PDE4B: variants seen among roughly 807,000 people sequenced by gnomAD.
The protein encoded by PDE4B is phosphodiesterase 4B.
A neutral mutation model predicts 82.2 loss-of-function variants in PDE4B; 20 were observed. That is an observed-to-expected ratio of 0.24 (90% confidence interval 0.17 to 0.35). PDE4B has a LOEUF of 0.35. Among genes scored for constraint, PDE4B ranks in the 10% least tolerant of loss-of-function variants. PDE4B has a pLI of 1.00. For missense variants in PDE4B, 655 were observed against 907.2 expected (o/e 0.72, Z 3.57); for synonymous variants, 320 against 318.9 (o/e 1.00, Z -0.04).
rs371638793 is a variant in PDE4B at position 66,090,351 on chromosome 1, A to G, written c.282-157109A>G. ...GCTTAGATTCTAAATAGGTTTAGAT[A>G]GATTTATAAATACATCAATAATGTA... On this transcript the variant is annotated intron_variant, in intron 3 of 16. Coordinates refer to ENST00000341517, the MANE Select transcript of PDE4B (RefSeq NM_002600.4). Among the ~76,000 whole-genome samples, 10 of 151,994 alleles carry G rather than the reference A, an allele frequency of 6.6e-5. No individual in the cohort carries two copies. The East Asian group carries it at 1.7e-3, about 26-fold the overall frequency.
chr1:66,192,915 C>T (rs1300086155), intron 3 of PDE4B, among the ~76,000 whole-genome samples: 1 of 152,046 alleles, frequency 6.6e-6, no homozygotes, highest in Non-Finnish European at 1.5e-5. Context: ...GATGAAGAAA[C>T]AAAAAGTTTA....
At position 66,172,197 on chromosome 1, in the gene PDE4B, A is replaced by T. The variant is rs551017184; in HGVS notation, c.282-75263A>T. 1.7e-4 allele frequency among the ~76,000 whole-genome samples: 26 copies of T among 152,178 alleles called. No homozygotes were observed. The South Asian group carries it at 5.4e-3, about 32-fold the overall frequency. ...GCTCCCACTTATAAGTGAGAACATGAGGTATTTGCTTTTCTGTTCCTGCAT... is the reference window on the plus strand; with the variant it reads ...GCTCCCACTTATAAGTGAGAACATGTGGTATTTGCTTTTCTGTTCCTGCAT... On this transcript the variant is annotated intron_variant, in intron 3 of 16. Coordinates refer to ENST00000341517, the MANE Select transcript of PDE4B (RefSeq NM_002600.4).
intron 3 of PDE4B, among the ~76,000 whole-genome samples, chr1:65,933,379 TAG>T (rs1171559015): frequency 6.6e-6 from 1 of 150,396 alleles, no homozygotes; most frequent in Non-Finnish European, 1.5e-5. Context: ...CCTTCAAAAA[TAG>T]AGACTTTCCC....
chr1:66,205,935 C>G (rs1264308263), intron 3 of PDE4B, among the ~76,000 whole-genome samples: 1 of 152,320 alleles, frequency 6.6e-6, no homozygotes, highest in East Asian at 1.9e-4. Context: ...TCCTGCCCCT[C>G]CCCTTGCCAG....
At chr1:66,289,406 A>C (rs546536182) in intron 7 of PDE4B, among the ~76,000 whole-genome samples, 1 of 152,292 alleles carries the variant, frequency 6.6e-6, no homozygotes, top group East Asian at 1.9e-4. Context: ...CAGATGGAAA[A>C]ATGGGAAAAG....
At chr1:66,298,931 A>G (rs1657698053) in intron 7 of PDE4B, among the ~76,000 whole-genome samples, 1 of 152,124 alleles carries the variant, frequency 6.6e-6, no homozygotes, top group South Asian at 2.1e-4. Context: ...TTTTTAAAAA[A>G]AGGAAAAAGT....
At chr1:66,197,718 T>A (rs2225864) in intron 3 of PDE4B, among the ~76,000 whole-genome samples, 1 of 151,854 alleles carries the variant, frequency 6.6e-6, no homozygotes, top group Non-Finnish European at 1.5e-5. Flanking sequence ...TGAAAATAAA[T>A]AAACTTATTT....
At chr1:65,948,976 A>G (rs149998414) in intron 3 of PDE4B, among the ~76,000 whole-genome samples, 23 of 152,140 alleles carry the variant, frequency 1.5e-4, no homozygotes, top group African/African-American at 5.3e-4. Context: ...TTGGCTGCCT[A>G]TCTATCTTGC....
intron 7 of PDE4B, among the ~76,000 whole-genome samples, chr1:66,282,819 G>A (rs2101786271): frequency 6.6e-6 from 1 of 152,212 alleles, no homozygotes; most frequent in Admixed American, 6.5e-5. Flanking sequence ...ATAGTGGTGT[G>A]TGGGTGTTGA....
At chr1:65,920,348 C>A (rs1172161486) in intron 3 of PDE4B, among the ~76,000 whole-genome samples, 1 of 152,176 alleles carries the variant, frequency 6.6e-6, no homozygotes, top group East Asian at 1.9e-4. Context: ...TGAAGACTGG[C>A]ACAGAGGAAT....
chr1:65,916,591 A>G (rs1476748603), intron 2 of PDE4B, among the ~76,000 whole-genome samples: 2 of 152,212 alleles, frequency 1.3e-5, no homozygotes, highest in Non-Finnish European at 2.9e-5. Context: ...CATATTTGGA[A>G]CTAGACTGAT....
intron 8 of PDE4B, among the ~76,000 whole-genome samples, chr1:66,334,244 A>G (rs1660341090): frequency 6.6e-6 from 1 of 152,204 alleles, no homozygotes; most frequent in Non-Finnish European, 1.5e-5. Context: ...TAGAGTCACC[A>G]AGATAAAGCA....
chr1:66,329,493 G>A (rs1402851540), intron 7 of PDE4B, among the ~76,000 whole-genome samples: 1 of 152,046 alleles, frequency 6.6e-6, no homozygotes, highest in Non-Finnish European at 1.5e-5. Flanking sequence ...ATTTTGTACT[G>A]GGCCTTTCAA....
At chr1:65,920,334 G>A (rs1569682715) in intron 3 of PDE4B, among the ~76,000 whole-genome samples, 1 of 152,198 alleles carries the variant, frequency 6.6e-6, no homozygotes. Context: ...TAAAAACAAA[G>A]AGGTGAAGAC....
chr1:66,204,948 G>A (rs1649424537), intron 3 of PDE4B, among the ~76,000 whole-genome samples: 1 of 152,166 alleles, frequency 6.6e-6, no homozygotes, highest in East Asian at 1.9e-4. Flanking sequence ...CTCATGCTGG[G>A]AGCTGTAGAC....
chr1:66,153,048 A>G (rs1433455452), intron 3 of PDE4B, among the ~76,000 whole-genome samples: 1 of 152,210 alleles, frequency 6.6e-6, no homozygotes, highest in East Asian at 1.9e-4. Context: ...ACTATAGCCT[A>G]GCCAAGTTGA....
At chr1:66,236,319 C>T (rs1039442460) in intron 3 of PDE4B, among the ~76,000 whole-genome samples, 6 of 152,012 alleles carry the variant, frequency 3.9e-5, no homozygotes, top group African/African-American at 1.2e-4. Flanking sequence ...CCTTCTTTGC[C>T]TTTGTACTCT....
intron 1 of PDE4B, among the ~76,000 whole-genome samples, chr1:65,842,503 T>G (rs1322276797): frequency 6.6e-6 from 1 of 152,148 alleles, no homozygotes; most frequent in Non-Finnish European, 1.5e-5. Context: ...CCATGCTGTT[T>G]CTGAGGAAGG....
chr1:66,176,481 T>A (rs1366451498), intron 3 of PDE4B, among the ~76,000 whole-genome samples: 1 of 152,250 alleles, frequency 6.6e-6, no homozygotes, highest in Non-Finnish European at 1.5e-5. Flanking sequence ...TTTCTTGTGA[T>A]AATTAGAAGG....
Sources: gnomAD v4.1 joint callset for allele counts (sites outside exome capture counted in the v4.1 genomes callset) on GRCh38, gnomAD v4.1.1 for gene constraint, MANE v1.5 for transcripts, NCBI Gene and HGNC (gene_info 2026-07-23, HGNC 2026-07-21) for gene names.